The following UGT2B4 variants were observed in gnomAD, a reference collection of about 807,000 sequenced individuals.
UGT2B4 encodes UDP-glucuronosyltransferase 2B4.
A neutral mutation model predicts 49.8 loss-of-function variants in UGT2B4; 49 were observed. The observed-to-expected ratio is 0.98, with a 90% confidence interval of 0.78 to 1.25. The LOEUF (loss-of-function observed/expected upper bound fraction) is 1.25. UGT2B4 is among the 50% of genes most tolerant of loss of function. The pLI is 0.00. For missense variants in UGT2B4, 729 were observed against 627.7 expected, an observed-to-expected ratio of 1.16 and a Z score of -1.73; for synonymous variants, 246 against 217.7, an observed-to-expected ratio of 1.13 and a Z score of -1.14.
At chr4:69,482,992 A>C (rs2109802199) in intron 5 of UGT2B4, among the ~76,000 whole-genome samples, 1 of 152,252 alleles carries the variant, frequency 6.6e-6, no homozygotes, top group South Asian at 2.1e-4. Flanking sequence ...AGTGCCAACA[A>C]TTTCTGGACA....
chr4:69,499,378 C>A (rs1034054322), upstream of UGT2B4, among the ~76,000 whole-genome samples: 2 of 152,114 alleles, frequency 1.3e-5, no homozygotes, highest in Non-Finnish European at 2.9e-5. Context: ...TCTGTCACGT[C>A]CACTTGATCC....
intron 3 of UGT2B4, among the ~76,000 whole-genome samples, chr4:69,487,414 T>TA (rs1229798967): frequency 6.6e-6 from 1 of 152,148 alleles, no homozygotes; most frequent in Admixed American, 6.5e-5. Context: ...TATGTAGCCA[T>TA]AAAAAAGAAC....
chr4:69,500,503 AGAAGGAAGGAAG>A (rs34150311), upstream of UGT2B4, among the ~76,000 whole-genome samples: 1 of 145,874 alleles, frequency 6.9e-6, no homozygotes, highest in Non-Finnish European at 1.5e-5. Context: ...CAAGAAAGAA[AGAAGGAAGGAAG>A]GAAAGAAAGA....
chr4:69,500,574 CAAGA>C (rs1249962809), upstream of UGT2B4, among the ~76,000 whole-genome samples: 3 of 115,698 alleles, frequency 2.6e-5, no homozygotes, highest in African/African-American at 1.1e-4. Context: ...GAAAAGAAAG[CAAGA>C]AAGCAAGAAA....
intron 1 of UGT2B4, among the ~76,000 whole-genome samples, chr4:69,519,537 A>T (rs1258976556): frequency 1.3e-5 from 2 of 152,190 alleles, no homozygotes; most frequent in South Asian, 4.1e-4. Flanking sequence ...GAGCCCCCAA[A>T]TCACTAAGTC....
intron 1 of UGT2B4, among the ~76,000 whole-genome samples, chr4:69,507,289 A>C (rs1402269907): frequency 6.6e-6 from 1 of 152,166 alleles, no homozygotes; most frequent in East Asian, 1.9e-4. Flanking sequence ...AATTATCTTT[A>C]TTTGCAGATG....
chr4:69,489,558 ACT>A lies in UGT2B4; in HGVS notation c.881_882del (p.Glu294ValfsTer21), dbSNP rs1727918096. The A allele has an allele frequency of 6.2e-7, 1 of 1,607,228 alleles. No individual in the cohort carries two copies. The highest frequency in any genetic ancestry group is 1.1e-5 in the South Asian group (1 of 90,346). ...PAKPLPKEME[E>X]FVQSSGENGV... ...CCATTTTCTCCAGAGCTCTGGACAA[ACT>A]CTTCCATTTCCTGTGAAAAAAAAGA... On this transcript the variant is annotated frameshift_variant, in exon 3 of 6. Coordinates refer to ENST00000305107, the MANE Select transcript of UGT2B4 (RefSeq NM_021139.3). LOFTEE classifies it high-confidence loss of function.
chr4:69,486,122 C>G (rs759371054), intron 4 of UGT2B4, among the ~76,000 whole-genome samples: 17 of 152,016 alleles, frequency 1.1e-4, no homozygotes, highest in Non-Finnish European at 2.2e-4. Flanking sequence ...AGGCAGCAGG[C>G]AGTGAGGTGG....
intron 1 of UGT2B4, among the ~76,000 whole-genome samples, chr4:69,512,830 C>T (rs144115727): frequency 2.0e-5 from 3 of 152,100 alleles, no homozygotes; most frequent in East Asian, 1.9e-4. Flanking sequence ...ATTTCTTTAA[C>T]GATCAAAAAA....
intron 1 of UGT2B4, chr4:69,525,587 G>T (rs1728961698): frequency 1.6e-6 from 1 of 617,324 alleles, no homozygotes; most frequent in Non-Finnish European, 2.1e-6. Flanking sequence ...ACGTGATATA[G>T]TTTCAAGATA....
rs966635483 is a variant in UGT2B4, at chr4:69,514,806, G to A, written c.-106+10881C>T. 6.6e-5 allele frequency among the ~76,000 whole-genome samples: 10 copies of A among 152,142 alleles called. 1 individual carries two copies. The highest frequency in any genetic ancestry group is 4.6e-4 in the Admixed American group (7 of 15,276). ...CCACCCTTACAGACACATCTCACAC[G>A]TGAAGACATATATAGGCTTAAAATA... On this transcript the variant is annotated intron_variant, in intron 1 of 1. Coordinates refer to the UGT2B4 transcript ENST00000510114.
intron 3 of UGT2B4, among the ~76,000 whole-genome samples, chr4:69,487,260 A>G (rs1727818367): frequency 6.6e-6 from 1 of 152,202 alleles, no homozygotes; most frequent in South Asian, 2.1e-4. Flanking sequence ...AAATTAGAAC[A>G]TGCACATGTA....
In UGT2B4 at chr4:69,495,313, A is replaced by G. The variant is rs1455522995; in HGVS notation, c.549T>C (p.His183=). ...AAGGAGGGAACAGAAGTCCTCCACT[A>G]TGCTTTTCAATTGCGTAGCCAGGAG... is the stretch of plus-strand genomic sequence containing the variant. ...RFSPGYAIEK[H]SGGLLFPPSY... The change falls in exon 1 of 6, where the codon CAT becomes CAC. Residue 183 remains histidine, a synonymous_variant. Coordinates refer to ENST00000305107, the MANE Select transcript of UGT2B4 (RefSeq NM_021139.3). The G allele has an allele frequency of 4.3e-6, 7 of 1,613,042 alleles. No individual in the cohort carries two copies. Among genetic ancestry groups the G allele is most frequent in the African/African-American group, 1.3e-5 (1 of 75,000 alleles).
intron 1 of UGT2B4, among the ~76,000 whole-genome samples, chr4:69,509,909 C>T (rs1046705194): frequency 4.0e-5 from 6 of 151,862 alleles, no homozygotes; most frequent in African/African-American, 1.2e-4. Flanking sequence ...CTTTTCAGAT[C>T]ATATTCAAAA....
intron 2 of UGT2B4, among the ~76,000 whole-genome samples, chr4:69,492,158 C>T (rs13139888): frequency 0.19 from 28,530 of 151,824 alleles, 3,039 homozygotes; most frequent in Non-Finnish European, 0.25. Flanking sequence ...ATTATACATG[C>T]GTTGTTCATT....
chr4:69,498,504 C>CTT (rs112691314), upstream of UGT2B4, among the ~76,000 whole-genome samples: 1 of 141,378 alleles, frequency 7.1e-6, no homozygotes, highest in African/African-American at 2.6e-5. Context: ...TGATTTTGGG[C>CTT]TTTTTTTTTT....
At chr4:69,496,353 A>G (rs908684698), upstream of UGT2B4, among the ~76,000 whole-genome samples, 1 of 152,180 alleles carries the variant, frequency 6.6e-6, no homozygotes, top group African/African-American at 2.4e-5. Flanking sequence ...TAATTCAGCT[A>G]ATATCAATGA....
chr4:69,516,790 T>C (rs1409725522), intron 1 of UGT2B4, among the ~76,000 whole-genome samples: 1 of 152,026 alleles, frequency 6.6e-6, no homozygotes, highest in African/African-American at 2.4e-5. Flanking sequence ...GTATTTTTAG[T>C]AGAGATGGGA....
At chr4:69,500,648 AGAAAGAAAGAAAGAAAGAAAGGAAG>A (rs1385924309), upstream of UGT2B4, among the ~76,000 whole-genome samples, 4,405 of 144,008 alleles carry the variant, frequency 0.031, 114 homozygotes, top group Non-Finnish European at 0.05. Flanking sequence ...AAAGAAAGAA[AGAAAGAAAGAAAGAAAGAAAGGAAG>A]GAAAGAAAAG....
Sources: gnomAD v4.1 joint callset for allele counts (sites outside exome capture counted in the v4.1 genomes callset) on GRCh38, gnomAD v4.1.1 for gene constraint, MANE v1.5 for transcripts, NCBI Gene and HGNC (gene_info 2026-07-23, HGNC 2026-07-21) for gene names.